EXOC6B: variants seen among roughly 807,000 people sequenced by gnomAD.
EXOC6B encodes SEC15 homolog B.
In EXOC6B, 54 loss-of-function variants were observed where a neutral mutation model predicts 113.5. The observed-to-expected ratio is 0.48, with a 90% CI of 0.38 to 0.60. The LOEUF (loss-of-function observed/expected upper bound fraction) is 0.60. Among genes scored for constraint, EXOC6B ranks in the 20% least tolerant of loss-of-function variants. EXOC6B has a pLI of 0.00. For synonymous variants in EXOC6B, 357 were observed against 339.0 expected (o/e 1.05, Z -0.58); for missense variants, 797 against 977.5 (o/e 0.82, Z 2.46).
intron 1 of EXOC6B, among the ~76,000 whole-genome samples, chr2:72,815,842 A>G (rs753859786): frequency 2.0e-5 from 3 of 152,226 alleles, no homozygotes; most frequent in East Asian, 3.9e-4. Flanking sequence ...ACTTGTGGGA[A>G]TCTATCCTAT....
intron 21 of EXOC6B, among the ~76,000 whole-genome samples, chr2:72,182,459 T>C (rs767965430): frequency 5.3e-5 from 8 of 151,988 alleles, no homozygotes; most frequent in African/African-American, 1.9e-4. Context: ...CACCAAGAAC[T>C]GTGGGATTAA....
chr2:72,278,931 T>C (rs1447578422), intron 20 of EXOC6B, among the ~76,000 whole-genome samples: 1 of 152,152 alleles, frequency 6.6e-6, no homozygotes. Context: ...AGCTCACCTC[T>C]AGGGGATTAA....
chr2:72,671,090 G>A (rs1439830806), intron 6 of EXOC6B, among the ~76,000 whole-genome samples: 1 of 152,114 alleles, frequency 6.6e-6, no homozygotes, highest in Non-Finnish European at 1.5e-5. Flanking sequence ...AAATGCTCCA[G>A]AACACTGGAT....
At chr2:72,823,859 A>G (rs1686742372) in intron 1 of EXOC6B, among the ~76,000 whole-genome samples, 1 of 152,200 alleles carries the variant, frequency 6.6e-6, no homozygotes, top group South Asian at 2.1e-4. Flanking sequence ...CCTAAACAAT[A>G]CAGTATAACA....
chr2:72,501,528 G>A (rs1252780009), intron 11 of EXOC6B, among the ~76,000 whole-genome samples: 2 of 151,904 alleles, frequency 1.3e-5, no homozygotes, highest in African/African-American at 4.8e-5. Context: ...AACACAAATG[G>A]ATTGATAAAC....
At chr2:72,651,269 G>T (rs1408793419) in intron 6 of EXOC6B, among the ~76,000 whole-genome samples, 2 of 152,194 alleles carry the variant, frequency 1.3e-5, no homozygotes, top group Non-Finnish European at 2.9e-5. Context: ...AATTCAGGCA[G>T]TATGAACACA....
At chr2:72,791,632 T>C (rs921894414) in intron 1 of EXOC6B, among the ~76,000 whole-genome samples, 1 of 152,202 alleles carries the variant, frequency 6.6e-6, no homozygotes, top group Non-Finnish European at 1.5e-5. Flanking sequence ...AAGGGCCACA[T>C]AAATGCTTAT....
intron 6 of EXOC6B, among the ~76,000 whole-genome samples, chr2:72,636,874 G>C (rs1672873910): frequency 6.6e-6 from 1 of 151,510 alleles, no homozygotes; most frequent in Admixed American, 6.6e-5. Flanking sequence ...AAATAAAACT[G>C]TCTCTATTTA....
chr2:72,682,890 C>A (rs1407124907), intron 6 of EXOC6B, among the ~76,000 whole-genome samples: 2 of 152,132 alleles, frequency 1.3e-5, no homozygotes, highest in Admixed American at 1.3e-4. Context: ...ATTATTATTT[C>A]TTTCAATGAA....
intron 18 of EXOC6B, among the ~76,000 whole-genome samples, chr2:72,389,891 T>C (rs887031585): frequency 7.9e-5 from 12 of 152,196 alleles, no homozygotes; most frequent in African/African-American, 2.7e-4. Flanking sequence ...TCAAATACTT[T>C]ACCTATTCTT....
chr2:72,499,785 C>T (rs1648510713), intron 12 of EXOC6B, 116 bp downstream of exon 12: 2 of 658,552 alleles, frequency 3.0e-6, no homozygotes, highest in Admixed American at 5.1e-5. Flanking sequence ...TCTCCTACCT[C>T]AGGCTTCCAA....
rs912290163 is a variant in EXOC6B, at chr2:72,352,212, A to G, written c.2123-17192T>C. 6.6e-5 allele frequency among the ~76,000 whole-genome samples: 10 copies of G among 152,244 alleles called. No homozygotes were observed. The South Asian group carries it at 1.2e-3, about 19-fold the overall frequency. ...AACAAAAACAAAAACATGGGCCTCA[A>G]TTCACCCATCCAAATGTACATTATC... On this transcript the variant is annotated intron_variant, in intron 19 of 21. Transcript: ENST00000272427.
At chr2:72,436,566 G>A (rs1196484300) in intron 18 of EXOC6B, among the ~76,000 whole-genome samples, 2 of 151,900 alleles carry the variant, frequency 1.3e-5, no homozygotes, top group Non-Finnish European at 2.9e-5. Flanking sequence ...TTTTCACATT[G>A]TCCTGTATTT....
chr2:72,440,843 A>C (rs539730959), intron 18 of EXOC6B, among the ~76,000 whole-genome samples: 7 of 152,350 alleles, frequency 4.6e-5, no homozygotes, highest in African/African-American at 1.7e-4. Context: ...AAAATCTACG[A>C]AGCAAATGAA....
chr2:72,574,077 C>A (rs1379000262), intron 7 of EXOC6B, among the ~76,000 whole-genome samples: 2 of 145,992 alleles, frequency 1.4e-5, no homozygotes. Context: ...GATCGCACCA[C>A]TGCACTCCAG....
At chr2:72,284,112 A>G (rs1685285099) in intron 20 of EXOC6B, among the ~76,000 whole-genome samples, 1 of 152,158 alleles carries the variant, frequency 6.6e-6, no homozygotes, top group South Asian at 2.1e-4. Flanking sequence ...GTAGAAGGAT[A>G]CTTCCTAATT....
intron 6 of EXOC6B, among the ~76,000 whole-genome samples, chr2:72,679,433 G>A (rs1360691420): frequency 6.6e-6 from 1 of 152,088 alleles, no homozygotes; most frequent in Non-Finnish European, 1.5e-5. Flanking sequence ...CCTCAGATTA[G>A]GAACCCCTGA....
intron 1 of EXOC6B, among the ~76,000 whole-genome samples, chr2:72,767,417 C>A (rs1683129355): frequency 6.6e-6 from 1 of 151,784 alleles, no homozygotes; most frequent in Admixed American, 6.6e-5. Flanking sequence ...GGCAAAAGAG[C>A]AAAACTCGGT....
chr2:72,474,651 A>AT (rs1202603092), intron 17 of EXOC6B, among the ~76,000 whole-genome samples: 1 of 152,020 alleles, frequency 6.6e-6, no homozygotes, highest in Non-Finnish European at 1.5e-5. Context: ...TCTTATTCAT[A>AT]TCATGCATTG....
Sources: gnomAD v4.1 joint callset for allele counts (sites outside exome capture counted in the v4.1 genomes callset) on GRCh38, gnomAD v4.1.1 for gene constraint, MANE v1.5 for transcripts, NCBI Gene and HGNC (gene_info 2026-07-23, HGNC 2026-07-21) for gene names.